EIF2AK1: variants seen among roughly 807,000 people sequenced by gnomAD.
EIF2AK1 encodes eukaryotic translation initiation factor 2 alpha kinase 1, also known as eukaryotic translation initiation factor 2-alpha kinase 1.
EIF2AK1 carries 54 observed loss-of-function variants against 77.9 expected under a neutral mutation model. The ratio of observed to expected loss-of-function variants is 0.69; its 90% CI spans 0.56 to 0.87. EIF2AK1 has a LOEUF of 0.87. EIF2AK1 is among the 40% of genes least tolerant of loss of function. The pLI is 0.00. For synonymous variants in EIF2AK1, 314 were observed against 290.5 expected (o/e 1.08, Z -0.82); for missense variants, 810 against 768.6 (o/e 1.05, Z -0.64).
chr7:6,048,925 T>G (rs1169302181), intron 3 of EIF2AK1, 81 bp from the exon 4 acceptor site: 4 of 922,798 alleles, frequency 4.3e-6, no homozygotes, highest in Non-Finnish European at 6.7e-6. Context: ...AATATCACAT[T>G]AACAACCCCA....
intron 11 of EIF2AK1, among the ~76,000 whole-genome samples, chr7:6,029,979 C>CA (rs1236833268): frequency 7.0e-6 from 1 of 143,642 alleles, no homozygotes; most frequent in Non-Finnish European, 1.5e-5. Context: ...GACTCTGTCT[C>CA]AAAAAAAAGA....
In EIF2AK1 at chr7:6,027,111, C is replaced by T; in HGVS notation, c.1531-150G>A. On this transcript the variant is annotated intron_variant, in intron 13 of 14. Transcript: ENST00000199389. This position sits in a 1 kb window ranked among gnomAD's most constrained non-coding sequence, Gnocchi z 4.5. ...AGGAAGGGAACAGAGCAGGATAGCT[C>T]ATCAGTGACAGGGACTTTCACAACC... The T allele has an allele frequency of 1.5e-6, 1 of 669,148 alleles. No individual in the cohort carries two copies. The highest frequency in any genetic ancestry group is 2.5e-6 in the Non-Finnish European group (1 of 394,394). The allele number at this position is 669,148 out of a possible 1,614,324, so 41.5% of individuals were successfully genotyped here.
At position 6,023,590 on chromosome 7, in the gene EIF2AK1, A is replaced by T. The variant is rs751152417; in HGVS notation, c.*1083T>A. Reference sequence around the variant, plus strand: ...GGTGCTGTGGTCTGTACTCCAGCAGATCGGAGGCTGCAGTGTGACAGTGCC... The same window carrying T: ...GGTGCTGTGGTCTGTACTCCAGCAGTTCGGAGGCTGCAGTGTGACAGTGCC... On this transcript the variant is annotated 3_prime_UTR_variant, in exon 15 of 15. Coordinates refer to ENST00000199389, the MANE Select transcript of EIF2AK1 (RefSeq NM_014413.4). 1.2e-6 allele frequency: 2 copies of T among 1,614,104 alleles called. No individual in the cohort carries two copies. The highest frequency in any genetic ancestry group is 1.3e-5 in the African/African-American group (1 of 74,932).
At position 6,027,083 on chromosome 7, in the gene EIF2AK1, A is replaced by C; in HGVS notation, c.1531-122T>G. ...TAAGAATGAGGATATACGGTCACCC[A>C]CAAGGAAGGGAACAGAGCAGGATAG... is the stretch of plus-strand genomic sequence containing the variant. On this transcript the variant is annotated intron_variant, in intron 13 of 14. Transcript: ENST00000199389. This position sits in a 1 kb window ranked among gnomAD's most constrained non-coding sequence, Gnocchi z 4.5. The C allele has an allele frequency of 1.3e-6, 1 of 793,934 alleles. No individual in the cohort carries two copies. Among genetic ancestry groups the C allele is most frequent in the African/African-American group, 1.7e-5 (1 of 58,108 alleles). The allele number at this position is 793,934 out of a possible 1,614,324, so 49.2% of individuals were successfully genotyped here.
chr7:6,051,221 C>T (rs1345817457), intron 2 of EIF2AK1, among the ~76,000 whole-genome samples: 3 of 151,908 alleles, frequency 2.0e-5, no homozygotes, highest in Non-Finnish European at 2.9e-5. Flanking sequence ...GGTGCCTTGG[C>T]TCCTACTCAT....
rs1229463602 is a variant in EIF2AK1, at chr7:6,037,584, T to C, written c.1232-60A>G. 4.1e-6 allele frequency: 4 copies of C among 972,710 alleles called. No individual in the cohort carries two copies. The African/African-American group carries it at 4.9e-5, about 12-fold the overall frequency. The allele number at this position is 972,710 out of a possible 1,614,324, so 60.3% of individuals were successfully genotyped here. A position where few individuals can be genotyped will look rare whatever the true frequency, so the allele number is the denominator to read the frequency against. On this transcript the variant is annotated intron_variant, in intron 10 of 14. Transcript: ENST00000199389. ...TTTTTTTACTCATTACATGGGCATC[T>C]AAATATTAATGTCATTCTAAATACA...
intron 7 of EIF2AK1, 102 bp downstream of exon 7, chr7:6,044,460 T>C (rs1788390570): frequency 6.6e-6 from 6 of 909,640 alleles, no homozygotes; most frequent in Non-Finnish European, 6.7e-6. Context: ...GTAAAAACCA[T>C]TCTCAGCTTG....
intron 11 of EIF2AK1, chr7:6,031,700 G>C: frequency 1.6e-3 from 1,486 of 918,928 alleles, no homozygotes; most frequent in Non-Finnish European, 1.9e-3. Flanking sequence ...ATGAGAATGA[G>C]ACACGACTCC....
chr7:6,044,851 G>T (rs1166138968), intron 6 of EIF2AK1, among the ~76,000 whole-genome samples, 190 bp from the exon 7 acceptor site: 1 of 152,124 alleles, frequency 6.6e-6, no homozygotes, highest in Non-Finnish European at 1.5e-5. Flanking sequence ...GAGATATATG[G>T]TATTTTATTA....
chr7:6,041,130 T>A lies in EIF2AK1; in HGVS notation c.881A>T (p.Glu294Val), dbSNP rs1788284582. The A allele has an allele frequency of 6.2e-7, 1 of 1,613,904 alleles. No individual in the cohort carries two copies. The highest frequency in any genetic ancestry group is 1.3e-5 in the African/African-American group (1 of 74,866). The change falls in exon 9 of 15, where the codon GAA (glutamate) becomes GTA (valine). Residue 294 changes from glutamate (E) to valine (V), a missense_variant. Physicochemically the swap from Glu to Val is moderately radical, Grantham distance 121. Coordinates refer to ENST00000199389, the MANE Select transcript of EIF2AK1 (RefSeq NM_014413.4). Reference sequence around the variant, plus strand: ...GTTATTCTGATTTTCAGTGTCAGATTCTCCAAAGCGTTTTTCTTTTTCTGG... The same window carrying A: ...GTTATTCTGATTTTCAGTGTCAGATACTCCAAAGCGTTTTTCTTTTTCTGG... ...PTPEKEKRFG[E>V]SDTENQNNKS...
At chr7:6,049,815 T>C (rs1261050916) in intron 3 of EIF2AK1, 97 bp downstream of exon 3, 6 of 1,270,716 alleles carry the variant, frequency 4.7e-6, no homozygotes, top group Admixed American at 4.7e-5. Context: ...TTTAAAAACT[T>C]GTTTTATAAT....
chr7:6,055,421 C>T (rs551906294), intron 1 of EIF2AK1, among the ~76,000 whole-genome samples: 1 of 150,148 alleles, frequency 6.7e-6, no homozygotes, highest in South Asian at 2.1e-4. Flanking sequence ...TCTCGATGAG[C>T]GTGTGCTACT....
chr7:6,038,444 A>C, intron 10 of EIF2AK1, 116 bp downstream of exon 10: 1 of 678,498 alleles, frequency 1.5e-6, no homozygotes, highest in Non-Finnish European at 2.4e-6. Context: ...GTCTCAAAAA[A>C]ATAAAATAAA....
chr7:6,035,850 CT>C lies in EIF2AK1; in HGVS notation c.1332+1573del. On this transcript the variant is annotated intron_variant, in intron 11 of 14. Coordinates refer to ENST00000199389, the MANE Select transcript of EIF2AK1 (RefSeq NM_014413.4). This position sits in a 1 kb window ranked among gnomAD's most constrained non-coding sequence, Gnocchi z 5.5. ...TTCCACGGGGAACACGCCCCTGAAG[CT>C]TGCAGTGTGCACTGCATCAAGCAAA... The C allele has an allele frequency of 6.5e-7, 1 of 1,548,182 alleles. No homozygotes were observed.
chr7:6,047,724 G>C (rs1201777802), intron 4 of EIF2AK1: 1 of 157,636 alleles, frequency 6.3e-6, no homozygotes, highest in African/African-American at 2.4e-5. Context: ...TTTCTTCTAA[G>C]ACAGGGTCTT....
chr7:6,058,110 G>C (rs764425813), intron 1 of EIF2AK1: 23 of 455,524 alleles, frequency 5.0e-5, no homozygotes, highest in South Asian at 3.6e-4. Flanking sequence ...GTAAACAAAA[G>C]CCTCAAGAAA....
At position 6,054,775 on chromosome 7, in the gene EIF2AK1, C is replaced by A; in HGVS notation, c.119-71G>T. The A allele has an allele frequency of 2.2e-6, 3 of 1,367,254 alleles. No individual in the cohort carries two copies. In the Admixed American group the frequency reaches 6.0e-5, roughly 27 times the overall value. The allele number at this position is 1,367,254 out of a possible 1,614,324, so 84.7% of individuals were successfully genotyped here. On this transcript the variant is annotated intron_variant, in intron 1 of 14. Transcript: ENST00000199389. ...TCTCATAATGACAAAACCGTATATT[C>A]TAATTAATGAAACATGAAATATTTA...
In EIF2AK1 at chr7:6,023,553, C is replaced by T. The variant is rs368295654; in HGVS notation, c.*1120G>A. ...CTTGGCTCGCTGGGAATGAACTCACCGTAGCAGACGTGGTGCTGTGGTCTG... is the reference window on the plus strand; with the variant it reads ...CTTGGCTCGCTGGGAATGAACTCACTGTAGCAGACGTGGTGCTGTGGTCTG... On this transcript the variant is annotated 3_prime_UTR_variant, in exon 15 of 15. Transcript: ENST00000199389. 31 of 1,614,096 alleles carry T rather than the reference C, an allele frequency of 1.9e-5. No homozygotes were observed. The highest frequency in any genetic ancestry group is 2.7e-5 in the African/African-American group (2 of 74,932).
At chr7:6,031,858 T>C (rs960989562) in intron 11 of EIF2AK1, among the ~76,000 whole-genome samples, 2 of 152,152 alleles carry the variant, frequency 1.3e-5, no homozygotes, top group Admixed American at 6.6e-5. Context: ...ACAGTGATGA[T>C]CTCCATGTGG....
Sources: gnomAD v4.1 joint callset for allele counts (sites outside exome capture counted in the v4.1 genomes callset) on GRCh38, gnomAD v4.1.1 for gene constraint, Gnocchi (gnomAD v3.1) non-coding constraint, MANE v1.5 for transcripts, NCBI Gene and HGNC (gene_info 2026-07-23, HGNC 2026-07-21) for gene names.